Variants in PHF21A observed in about 807,000 individuals in gnomAD.
PHF21A encodes the protein PHD finger protein 21A.
Under a neutral mutation model 82.5 loss-of-function variants are expected in PHF21A, and 11 were observed. That is an observed-to-expected ratio of 0.13 (90% CI 0.08 to 0.22). The LOEUF (loss-of-function observed/expected upper bound fraction) is 0.22, where lower values mean the gene tolerates loss of function less well. Ranked by LOEUF, PHF21A falls within the 10% of genes least tolerant of loss-of-function variation. The probability of loss-of-function intolerance (pLI) is 1.00; values close to 1 mark genes in which losing one functional copy is unlikely to be tolerated. For synonymous variants in PHF21A, 297 were observed against 302.8 expected, an observed-to-expected ratio of 0.98 and a Z score of 0.20; for missense variants, 579 against 837.8, an observed-to-expected ratio of 0.69 and a Z score of 3.81.
At chr11:46,119,367 GA>G (rs1385692639) in intron 1 of PHF21A, among the ~76,000 whole-genome samples, 1 of 152,130 alleles carries the variant, frequency 6.6e-6, no homozygotes, top group African/African-American at 2.4e-5. Context: ...ACTCAGATTT[GA>G]AATTCTAGAA....
intron 15 of PHF21A, among the ~76,000 whole-genome samples, chr11:45,938,780 A>G (rs1349686182): frequency 1.3e-5 from 2 of 152,018 alleles, no homozygotes; most frequent in Non-Finnish European, 2.9e-5. Context: ...GCAGTTGACT[A>G]TGCGTAACTG....
At chr11:46,007,864 C>T (rs554395406) in intron 6 of PHF21A, among the ~76,000 whole-genome samples, 1 of 152,224 alleles carries the variant, frequency 6.6e-6, no homozygotes, top group East Asian at 1.9e-4. Flanking sequence ...CATCTTACTC[C>T]TAAGTGGAAT....
At chr11:46,051,595 A>G (rs577686011) in intron 6 of PHF21A, among the ~76,000 whole-genome samples, 1 of 152,314 alleles carries the variant, frequency 6.6e-6, no homozygotes, top group African/African-American at 2.4e-5. Context: ...TGTCTACACA[A>G]GAAAAACTGA....
chr11:45,930,905 G>GCCCCCCCCCCC lies in PHF21A; in HGVS notation c.*3062_*3063insGGGGGGGGGGG, dbSNP rs61505607. The GCCCCCCCCCCC allele has an allele frequency of 5.2e-5, 7 of 135,588 alleles. No individual in the cohort carries two copies. The highest frequency in any genetic ancestry group is 7.4e-5 in the Admixed American group (1 of 13,482). The allele number at this position is 135,588 out of a possible 1,614,324, so 8.4% of individuals were successfully genotyped here. A position where few individuals can be genotyped will look rare whatever the true frequency, so the allele number is the denominator to read the frequency against. On this transcript the variant is annotated 3_prime_UTR_variant, in exon 19 of 19. Coordinates refer to ENST00000676320, the MANE Select transcript of PHF21A (RefSeq NM_001352027.3). ...GAGCGTATGTCTCAGGTGGTCACAG[G>GCCCCCCCCCCC]CCCCCCCCCCTCCCCGCCCAGGTCT...
At chr11:46,101,679 C>T (rs550136140) in intron 1 of PHF21A, among the ~76,000 whole-genome samples, 2 of 152,098 alleles carry the variant, frequency 1.3e-5, no homozygotes, top group Admixed American at 1.3e-4. Context: ...GTTGCCCAGG[C>T]TGGAGTGCAG....
At chr11:45,944,005 A>C in intron 15 of PHF21A, among the ~76,000 whole-genome samples, 1 of 152,230 alleles carries the variant, frequency 6.6e-6, no homozygotes, top group Admixed American at 6.5e-5. Flanking sequence ...AAGACTGAGA[A>C]ACTCTTCCAA....
At chr11:45,987,700 TTG>T (rs1429528736) in intron 6 of PHF21A, among the ~76,000 whole-genome samples, 1 of 139,612 alleles carries the variant, frequency 7.2e-6, no homozygotes, top group African/African-American at 2.6e-5. Context: ...ACCTGAATCA[TTG>T]TGTTTGTACC....
intron 10 of PHF21A, among the ~76,000 whole-genome samples, chr11:45,963,620 CAGAAA>C (rs1294418393): frequency 2.6e-5 from 4 of 151,812 alleles, no homozygotes; most frequent in East Asian, 1.9e-4. Flanking sequence ...TCTTTGTAAT[CAGAAA>C]AGAAATGTAA....
intron 6 of PHF21A, among the ~76,000 whole-genome samples, chr11:46,009,119 C>T (rs560034097): frequency 6.6e-6 from 1 of 151,972 alleles, no homozygotes; most frequent in South Asian, 2.1e-4. Context: ...GGATTACAGG[C>T]GTGCATCACC....
intron 6 of PHF21A, among the ~76,000 whole-genome samples, chr11:46,040,845 G>T (rs1480334746): frequency 3.4e-5 from 5 of 148,526 alleles, no homozygotes; most frequent in Non-Finnish European, 7.4e-5. Context: ...TTCCTCTTTG[G>T]TTAAATATAA....
chr11:46,060,425 T>C (rs995383075), intron 6 of PHF21A, among the ~76,000 whole-genome samples: 5 of 152,338 alleles, frequency 3.3e-5, no homozygotes, highest in African/African-American at 9.6e-5. Context: ...AAACAAGTTG[T>C]AATCTTAGCA....
intron 16 of PHF21A, among the ~76,000 whole-genome samples, chr11:45,937,113 G>A (rs1033691568): frequency 2.0e-5 from 3 of 152,186 alleles, no homozygotes; most frequent in Admixed American, 6.5e-5. Context: ...GAAGTGTTCC[G>A]CTGCACCACA....
intron 6 of PHF21A, among the ~76,000 whole-genome samples, chr11:45,982,161 T>C (rs983844894): frequency 6.6e-6 from 1 of 152,150 alleles, no homozygotes; most frequent in African/African-American, 2.4e-5. Context: ...TTCGCCATGT[T>C]GCCCAGGCTG....
intron 10 of PHF21A, among the ~76,000 whole-genome samples, chr11:45,965,074 G>A (rs1286147398): frequency 6.6e-6 from 1 of 152,184 alleles, no homozygotes. Context: ...ACCACCAGGG[G>A]GAGCTCACTC....
chr11:45,951,511 A>C (rs2092109109), intron 11 of PHF21A, among the ~76,000 whole-genome samples: 1 of 152,242 alleles, frequency 6.6e-6, no homozygotes, highest in African/African-American at 2.4e-5. Context: ...AAGAAAAAGC[A>C]GTCTTGGACT....
chr11:46,099,460 T>C lies in PHF21A; in HGVS notation c.-236-7237A>G, dbSNP rs574459996. Among the ~76,000 whole-genome samples, 7 of 151,856 alleles carry C rather than the reference T, an allele frequency of 4.6e-5. No homozygotes were observed. The South Asian group carries it at 1.0e-3, about 23-fold the overall frequency. On this transcript the variant is annotated intron_variant, in intron 1 of 18. Coordinates refer to ENST00000676320, the MANE Select transcript of PHF21A (RefSeq NM_001352027.3). ...TTCCATCCTGCCTCACTTCTCAATA[T>C]AGCACTGCTGTACTCACTAGGCTGG... is the stretch of plus-strand genomic sequence containing the variant.
intron 6 of PHF21A, among the ~76,000 whole-genome samples, chr11:46,051,813 G>A (rs2096371343): frequency 6.6e-6 from 1 of 152,248 alleles, no homozygotes; most frequent in East Asian, 1.9e-4. Flanking sequence ...AGGTGATGGG[G>A]GTGGGGAAAC....
rs191440553 is a variant in PHF21A at position 46,087,932 on chromosome 11, T to C, written c.-84+2523A>G. ...CACCATACCTGGCTAATTTTTGTAT[T>C]TTTTTGTAGTGACAGGGTTTCGCCA... On this transcript the variant is annotated intron_variant, in intron 3 of 18. Transcript: ENST00000676320. Among the ~76,000 whole-genome samples the C allele has an allele frequency of 2.6e-5, 4 of 152,216 alleles. No homozygotes were observed. The East Asian group carries it at 7.7e-4, about 29-fold the overall frequency.
At position 46,121,165 on chromosome 11, in the gene PHF21A, C is replaced by G. The variant is rs913048494; in HGVS notation, c.-467G>C. On this transcript the variant is annotated 5_prime_UTR_variant, in exon 1 of 19. Coordinates refer to ENST00000676320, the MANE Select transcript of PHF21A (RefSeq NM_001352027.3). Reference sequence around the variant, plus strand: ...CCTCCTCCTCCTCCTCCTCTCCTCTCCTCTCTCTCTCACTCACTCTCTCTC... The same window carrying G: ...CCTCCTCCTCCTCCTCCTCTCCTCTGCTCTCTCTCTCACTCACTCTCTCTC... 1.2e-5 allele frequency: 1 copy of G among 85,072 alleles called. No homozygotes were observed. The highest frequency in any genetic ancestry group is 1.3e-4 in the Admixed American group (1 of 7,946). 5.3% of individuals were successfully genotyped at this position (85,072 alleles called of 1,614,324 possible). A position where few individuals can be genotyped will look rare whatever the true frequency, so the allele number is the denominator to read the frequency against.
Sources: gnomAD v4.1 joint callset for allele counts (sites outside exome capture counted in the v4.1 genomes callset) on GRCh38, gnomAD v4.1.1 for gene constraint, MANE v1.5 for transcripts, NCBI Gene and HGNC (gene_info 2026-07-23, HGNC 2026-07-21) for gene names.